Variants in PCDHGA4 observed in about 807,000 individuals in gnomAD.
PCDHGA4 encodes the protein protocadherin gamma subfamily A, 4.
A neutral mutation model predicts 54.6 loss-of-function variants in PCDHGA4; 38 were observed. The observed-to-expected ratio is 0.70, with a 90% CI of 0.54 to 0.91. The LOEUF (loss-of-function observed/expected upper bound fraction) is 0.91, where lower values mean the gene tolerates loss of function less well. PCDHGA4 is among the 40% of genes least tolerant of loss of function. The pLI, the probability that PCDHGA4 is intolerant of heterozygous loss-of-function variation, is 0.00. For missense variants in PCDHGA4, 1,298 were observed against 1,220.9 expected (o/e 1.06, Z -0.94); for synonymous variants, 511 against 512.9 (o/e 1.00, Z 0.05).
chr5:141,382,463 A>T (rs1010194037), intron 1 of PCDHGA4, among the ~76,000 whole-genome samples: 1 of 152,216 alleles, frequency 6.6e-6, no homozygotes, highest in African/African-American at 2.4e-5. Context: ...GCAGTTTTTT[A>T]AAAATTATCT....
intron 1 of PCDHGA4, chr5:141,367,567 A>C (rs1357501052): frequency 1.3e-5 from 2 of 150,962 alleles, no homozygotes; most frequent in Non-Finnish European, 3.0e-5. Flanking sequence ...TAAATAAATA[A>C]ATAAATATCA....
At chr5:141,480,927 C>T (rs1562083028) in intron 1 of PCDHGA4, among the ~76,000 whole-genome samples, 1 of 152,090 alleles carries the variant, frequency 6.6e-6, no homozygotes, top group Non-Finnish European at 1.5e-5. Context: ...TACCTGTAGT[C>T]CCAGCTACTC....
chr5:141,404,333 C>A, intron 1 of PCDHGA4: 3 of 1,613,854 alleles, frequency 1.9e-6, no homozygotes, highest in South Asian at 1.1e-5. Flanking sequence ...CTCAGTCTAC[C>A]TCCCGGAAAA....
chr5:141,447,942 T>C (rs1476141059), intron 1 of PCDHGA4, among the ~76,000 whole-genome samples: 2 of 151,740 alleles, frequency 1.3e-5, no homozygotes, highest in African/African-American at 4.8e-5. Context: ...AAAAATTAGC[T>C]GGGCATGGTG....
intron 1 of PCDHGA4, 21 bp downstream of exon 1, chr5:141,357,642 A>T: frequency 1.9e-6 from 3 of 1,611,524 alleles, no homozygotes; most frequent in Non-Finnish European, 2.5e-6. Context: ...CTTATAATAG[A>T]TCATACCACA....
chr5:141,430,953 G>A (rs2097330054), intron 1 of PCDHGA4: 1 of 1,611,124 alleles, frequency 6.2e-7, no homozygotes, highest in African/African-American at 1.3e-5. Context: ...CGCGGAGTCC[G>A]CATCATCCCC....
At position 141,422,099 on chromosome 5, in the gene PCDHGA4, A is replaced by G. The variant is rs374091819; in HGVS notation, c.2514+64478A>G. ...CGGAACATGGAAAGCAAGGCTTCTG[A>G]AATATTCCAATTGGATTCACAAACT... On this transcript the variant is annotated intron_variant, in intron 1 of 3. Transcript: ENST00000571252. 1.9e-6 allele frequency: 3 copies of G among 1,609,706 alleles called. No homozygotes were observed. The African/African-American group carries it at 4.0e-5, about 22-fold the overall frequency.
At chr5:141,418,499 G>A (rs775606988) in intron 1 of PCDHGA4, 1 of 1,613,962 alleles carries the variant, frequency 6.2e-7, no homozygotes, top group Non-Finnish European at 8.5e-7. Context: ...GGTACTGACC[G>A]CCTTAGATGG....
chr5:141,375,826 C>T (rs1771941269), intron 1 of PCDHGA4: 2 of 1,614,166 alleles, frequency 1.2e-6, no homozygotes, highest in South Asian at 1.1e-5. Context: ...CGCCCCGCTC[C>T]GCAGAGCCCG....
At chr5:141,426,445 A>T (rs2096937062) in intron 1 of PCDHGA4, 1 of 310,256 alleles carries the variant, frequency 3.2e-6, no homozygotes, top group East Asian at 8.0e-5. Context: ...TGCGGAGGAC[A>T]TGCGGCTGCA....
Position 141,374,036 on chromosome 5 carries a change from T to A in PCDHGA4, c.2514+16415T>A, listed in dbSNP as rs1197277740. On this transcript the variant is annotated intron_variant, in intron 1 of 3. Coordinates refer to ENST00000571252, the MANE Select transcript of PCDHGA4 (RefSeq NM_018917.4). The stretch of plus-strand genomic sequence containing the variant: ...CTGAGAAGAGCAAAAGTGATGCAGA[T>A]CTGTTCTTCCTCTTCTTAATCCCAG... 3.5e-6 allele frequency: 5 copies of A among 1,445,796 alleles called. No individual in the cohort carries two copies. In the Admixed American group the frequency reaches 1.1e-4, roughly 32 times the overall value. 89.6% of individuals were successfully genotyped at this position (1,445,796 alleles called of 1,614,324 possible). A position where few individuals can be genotyped will look rare whatever the true frequency, so the allele number is the denominator to read the frequency against.
chr5:141,394,532 T>G (rs1259695027), intron 1 of PCDHGA4: 7 of 1,614,188 alleles, frequency 4.3e-6, no homozygotes, highest in East Asian at 4.5e-5. Flanking sequence ...ACGGTTCCAC[T>G]GGCGTGGAGC....
At position 141,432,273 on chromosome 5, in the gene PCDHGA4, T is replaced by G. The variant is rs199937628; in HGVS notation, c.2515-62534T>G. 6.8e-6 allele frequency: 11 copies of G among 1,614,238 alleles called. No individual in the cohort carries two copies. In the Admixed American group the frequency reaches 1.7e-4, roughly 24 times the overall value. ...CAAGGGGCAAGCCTATCGTCCTACG[T>G]GTCCATCAACTCCGACACTGGGGTA... On this transcript the variant is annotated intron_variant, in intron 1 of 3. Coordinates refer to ENST00000571252, the MANE Select transcript of PCDHGA4 (RefSeq NM_018917.4). This position sits in a 1 kb window ranked among gnomAD's most constrained non-coding sequence, Gnocchi z 6.0.
chr5:141,420,187 C>T (rs1369031488), intron 1 of PCDHGA4: 7 of 1,613,824 alleles, frequency 4.3e-6, no homozygotes, highest in Non-Finnish European at 5.9e-6. Context: ...ATTGTCCAGC[C>T]ACACAAGATA....
At chr5:141,419,713 C>T in intron 1 of PCDHGA4, 1 of 1,613,264 alleles carries the variant, frequency 6.2e-7, no homozygotes, top group East Asian at 2.2e-5. Context: ...GGCTCTTCAG[C>T]CTGGGGCTGC....
chr5:141,374,069 C>T (rs747646831), intron 1 of PCDHGA4: 8 of 1,502,764 alleles, frequency 5.3e-6, no homozygotes, highest in Non-Finnish European at 7.1e-6. Context: ...CAGAGAAGTT[C>T]CTAATAAGCC....
At chr5:141,417,384 GAAGA>G (rs2096114648) in intron 1 of PCDHGA4, 1 of 154,070 alleles carries the variant, frequency 6.5e-6, no homozygotes, top group African/African-American at 2.4e-5. Context: ...TTTAAATTTT[GAAGA>G]AAAAATATTC....
intron 1 of PCDHGA4, among the ~76,000 whole-genome samples, chr5:141,373,662 T>C (rs1319235176): frequency 6.6e-6 from 1 of 152,246 alleles, no homozygotes; most frequent in Non-Finnish European, 1.5e-5. Context: ...GATATTTTCA[T>C]AAAAATGAAT....
chr5:141,383,633 C>T (rs1298423457), intron 1 of PCDHGA4: 1 of 1,613,966 alleles, frequency 6.2e-7, no homozygotes. Context: ...TTCTCTCTGC[C>T]TCAGTACCAA....
Sources: gnomAD v4.1 joint callset for allele counts (sites outside exome capture counted in the v4.1 genomes callset) on GRCh38, gnomAD v4.1.1 for gene constraint, Gnocchi (gnomAD v3.1) non-coding constraint, MANE v1.5 for transcripts, NCBI Gene and HGNC (gene_info 2026-07-23, HGNC 2026-07-21) for gene names.